Variants in RSU1 observed in about 807,000 individuals in gnomAD.
RSU1 encodes rsu-1.
Under a neutral mutation model 31.1 loss-of-function variants are expected in RSU1, and 26 were observed. The observed-to-expected ratio is 0.84, with a 90% CI of 0.61 to 1.16. RSU1 has a LOEUF of 1.16. Ranked by LOEUF, RSU1 falls within the 50% of genes most tolerant of loss-of-function variation. The pLI is 0.00. For synonymous variants in RSU1, 164 were observed against 136.3 expected (o/e 1.20, Z -1.41); for missense variants, 320 against 339.1 (o/e 0.94, Z 0.44).
At chr10:16,727,963 A>C (rs977359850) in intron 7 of RSU1, among the ~76,000 whole-genome samples, 4 of 152,154 alleles carry the variant, frequency 2.6e-5, no homozygotes, top group African/African-American at 9.7e-5. Context: ...AAAAACTAAA[A>C]ACTGGACTTC....
In RSU1 at chr10:16,712,095, C is replaced by T. The variant is rs533024355; in HGVS notation, c.599-16940G>A. On this transcript the variant is annotated intron_variant, in intron 7 of 8. Coordinates refer to ENST00000345264, the MANE Select transcript of RSU1 (RefSeq NM_012425.4). The stretch of plus-strand genomic sequence containing the variant: ...TAATCATGACATAATGACCTTTTTT[C>T]TTTTTCCAGTTTTTGACTTAAAATC... 4.6e-3 allele frequency among the ~76,000 whole-genome samples: 704 copies of T among 151,968 alleles called. 2 individuals carry two copies. The highest frequency in any genetic ancestry group is 0.016 in the South Asian group (77 of 4,822).
intron 8 of RSU1, among the ~76,000 whole-genome samples, chr10:16,649,198 T>C (rs1010560133): frequency 3.3e-5 from 5 of 152,194 alleles, no homozygotes; most frequent in Non-Finnish European, 7.3e-5. Flanking sequence ...GCAAGACAAA[T>C]ACCCTAACAA....
chr10:16,738,717 G>C (rs1372994244), intron 7 of RSU1, among the ~76,000 whole-genome samples: 6 of 152,102 alleles, frequency 3.9e-5, no homozygotes, highest in African/African-American at 1.4e-4. Flanking sequence ...ATTATTTTAA[G>C]TTCCAGGATA....
At chr10:16,785,463 T>TATATACAC (rs1564357326) in intron 2 of RSU1, among the ~76,000 whole-genome samples, 6 of 139,252 alleles carry the variant, frequency 4.3e-5, no homozygotes, top group African/African-American at 1.7e-4. Context: ...TATATACATA[T>TATATACAC]ATATATACAC....
At chr10:16,817,239 T>TGGGTTAGGGCAGG in intron 1 of RSU1, 76 bp downstream of exon 1, 4 of 607,086 alleles carry the variant, frequency 6.6e-6, no homozygotes, top group East Asian at 2.9e-5. Context: ...GGGGAGGGGA[T>TGGGTTAGGGCAGG]GGAGTGGGAA....
intron 8 of RSU1, among the ~76,000 whole-genome samples, chr10:16,664,871 A>G (rs1245749683): frequency 6.6e-6 from 1 of 152,182 alleles, no homozygotes; most frequent in African/African-American, 2.4e-5. Flanking sequence ...TCCATGATAT[A>G]CTATTATTAA....
At position 16,759,572 on chromosome 10, in the gene RSU1, A is replaced by G. The variant is rs143002076; in HGVS notation, c.282-4583T>C. ...AACAAGGGACTTAATAAAAACTTCT[A>G]TGTGTTTATGAGACAAGCTCTAGCA... is the stretch of plus-strand genomic sequence containing the variant. On this transcript the variant is annotated intron_variant, in intron 4 of 8. Coordinates refer to ENST00000345264, the MANE Select transcript of RSU1 (RefSeq NM_012425.4). Among the ~76,000 whole-genome samples the G allele has an allele frequency of 3.8e-3, 572 of 152,280 alleles. 3 individuals carry two copies. Among genetic ancestry groups the G allele is most frequent in the African/African-American group, 0.012 (507 of 41,564 alleles).
intron 4 of RSU1, among the ~76,000 whole-genome samples, chr10:16,755,629 T>G (rs1451937523): frequency 6.6e-6 from 1 of 152,074 alleles, no homozygotes; most frequent in Non-Finnish European, 1.5e-5. Context: ...TTCACTCTCT[T>G]AGCAATTTTC....
intron 4 of RSU1, among the ~76,000 whole-genome samples, chr10:16,760,851 C>G (rs1837199301): frequency 6.6e-6 from 1 of 152,176 alleles, no homozygotes; most frequent in East Asian, 1.9e-4. Flanking sequence ...TCTCCATACT[C>G]TTTCATACGG....
chr10:16,674,830 C>T (rs1050735192), intron 8 of RSU1, among the ~76,000 whole-genome samples: 5 of 151,984 alleles, frequency 3.3e-5, no homozygotes, highest in Non-Finnish European at 5.9e-5. Context: ...CTCAGGAGTT[C>T]GAGACCAGCC....
intron 7 of RSU1, among the ~76,000 whole-genome samples, chr10:16,704,849 T>A (rs1835862799): frequency 6.6e-6 from 1 of 152,224 alleles, no homozygotes; most frequent in Admixed American, 6.5e-5. Context: ...TCCCCCACTT[T>A]TTATTTGCAT....
At chr10:16,808,601 G>A (rs373378406) in intron 2 of RSU1, among the ~76,000 whole-genome samples, 6 of 151,972 alleles carry the variant, frequency 3.9e-5, no homozygotes, top group East Asian at 3.9e-4. Context: ...AAATGCTGAC[G>A]GTAGGTGAAC....
intron 2 of RSU1, among the ~76,000 whole-genome samples, chr10:16,814,322 C>T (rs1173476478): frequency 2.0e-5 from 3 of 151,698 alleles, no homozygotes; most frequent in African/African-American, 7.3e-5. Flanking sequence ...GTGGCGTGTA[C>T]CTATAGTCCC....
intron 3 of RSU1, among the ~76,000 whole-genome samples, chr10:16,775,928 A>C (rs184177098): frequency 1.3e-5 from 2 of 152,266 alleles, no homozygotes; most frequent in African/African-American, 4.8e-5. Context: ...TGCGAACAGC[A>C]AGTTGTTTTG....
At chr10:16,718,067 T>G (rs1365108099) in intron 7 of RSU1, among the ~76,000 whole-genome samples, 1 of 141,230 alleles carries the variant, frequency 7.1e-6, no homozygotes, top group Non-Finnish European at 1.5e-5. Flanking sequence ...CATTTTCAAA[T>G]GTGAAGGTGT....
At chr10:16,597,009 C>A (rs1833626013) in intron 8 of RSU1, among the ~76,000 whole-genome samples, 1 of 152,238 alleles carries the variant, frequency 6.6e-6, no homozygotes. Context: ...AGCCACGCAC[C>A]TGGCCTCCAA....
Position 16,645,879 on chromosome 10 carries a change from TGTATATAC to T in RSU1, c.731+49136_731+49143del, listed in dbSNP as rs1260476980. On this transcript the variant is annotated intron_variant, in intron 8 of 8. Transcript: ENST00000345264. ...ATATATACGTATATATACATATATG[TGTATATAC>T]ATATATGTATATACACATATATGTA... Among the ~76,000 whole-genome samples the T allele has an allele frequency of 2.7e-3, 292 of 106,552 alleles. 53 individuals are homozygous for T. Among genetic ancestry groups the T allele is most frequent in the East Asian group, 5.2e-3 (22 of 4,264 alleles). 69.9% of individuals were successfully genotyped at this position (106,552 alleles called of 152,430 possible).
Position 16,814,878 on chromosome 10 carries a change from G to A in RSU1, c.109+2095C>T, listed in dbSNP as rs537556285. On this transcript the variant is annotated intron_variant, in intron 2 of 8. Coordinates refer to ENST00000345264, the MANE Select transcript of RSU1 (RefSeq NM_012425.4). ...AAAGCCAAGGCTTCAAAGAGATAAC[G>A]GAGCTGAACCGAAATAGCTAAGCCA... is the stretch of plus-strand genomic sequence containing the variant. 4.6e-5 allele frequency among the ~76,000 whole-genome samples: 7 copies of A among 152,314 alleles called. No homozygotes were observed. In the East Asian group the frequency reaches 5.8e-4, roughly 13 times the overall value.
At chr10:16,782,824 T>C (rs1837682552) in intron 2 of RSU1, among the ~76,000 whole-genome samples, 1 of 151,848 alleles carries the variant, frequency 6.6e-6, no homozygotes, top group Non-Finnish European at 1.5e-5. Context: ...ATCTCCCCTC[T>C]ACTCTGGGGT....
Sources: gnomAD v4.1 joint callset for allele counts (sites outside exome capture counted in the v4.1 genomes callset) on GRCh38, gnomAD v4.1.1 for gene constraint, MANE v1.5 for transcripts, NCBI Gene and HGNC (gene_info 2026-07-23, HGNC 2026-07-21) for gene names.